Variants in KAT2B observed in about 807,000 individuals in gnomAD.
KAT2B encodes the protein histone acetyltransferase KAT2B.
KAT2B carries 36 observed loss-of-function variants against 105.9 expected under a neutral mutation model. That is an observed-to-expected ratio of 0.34 (90% confidence interval 0.26 to 0.45). KAT2B has a LOEUF of 0.45. KAT2B is among the 20% of genes least tolerant of loss of function. The pLI, the probability that KAT2B is intolerant of heterozygous loss-of-function variation, is 1.00. For missense variants in KAT2B, 820 were observed against 1,021.6 expected, an observed-to-expected ratio of 0.80 and a Z score of 2.69; for synonymous variants, 397 against 377.9, an observed-to-expected ratio of 1.05 and a Z score of -0.59.
chr3:20,128,237 C>T (rs1284543942), intron 11 of KAT2B, among the ~76,000 whole-genome samples: 3 of 152,100 alleles, frequency 2.0e-5, no homozygotes, highest in Non-Finnish European at 2.9e-5. Context: ...TACACATACA[C>T]GCAAACATGT....
intron 10 of KAT2B, 45 bp downstream of exon 10, chr3:20,126,158 T>G (rs1306903918): frequency 6.7e-7 from 1 of 1,485,186 alleles, no homozygotes. Context: ...CCTTTTTAAA[T>G]GAAAGAGGAA....
chr3:20,058,360 C>T (rs192195062), intron 1 of KAT2B, among the ~76,000 whole-genome samples: 1 of 145,298 alleles, frequency 6.9e-6, no homozygotes, highest in African/African-American at 2.6e-5. Flanking sequence ...GAGGCTGAGG[C>T]AGGAGAATTG....
intron 2 of KAT2B, among the ~76,000 whole-genome samples, chr3:20,078,975 C>G (rs1209621923): frequency 1.3e-5 from 2 of 151,288 alleles, no homozygotes; most frequent in African/African-American, 4.9e-5. Context: ...CTTCCGCCTC[C>G]CAGGTTCAAG....
At chr3:20,053,572 A>G (rs1440736840) in intron 1 of KAT2B, among the ~76,000 whole-genome samples, 1 of 152,126 alleles carries the variant, frequency 6.6e-6, no homozygotes, top group Non-Finnish European at 1.5e-5. Flanking sequence ...AGGAAGGTAT[A>G]TGAGTGTTAT....
chr3:20,099,550 G>C (rs1475065758), intron 3 of KAT2B, among the ~76,000 whole-genome samples: 1 of 152,214 alleles, frequency 6.6e-6, no homozygotes, highest in Non-Finnish European at 1.5e-5. Flanking sequence ...GGAAGTGCAT[G>C]GGACGGTGGT....
chr3:20,061,438 TG>T (rs1207668698), intron 1 of KAT2B, among the ~76,000 whole-genome samples: 1 of 152,146 alleles, frequency 6.6e-6, no homozygotes, highest in African/African-American at 2.4e-5. Flanking sequence ...TACTAGGACA[TG>T]GGTGTCCAAA....
chr3:20,112,852 A>G (rs761629718), intron 6 of KAT2B, among the ~76,000 whole-genome samples: 52 of 152,340 alleles, frequency 3.4e-4, no homozygotes, highest in Middle Eastern at 3.4e-3. Flanking sequence ...CTCAGTGAAG[A>G]TAGAGTTTTA....
In KAT2B at chr3:20,148,233, T is replaced by C. The variant is rs775421038; in HGVS notation, c.2157-10T>C. The C allele has an allele frequency of 5.6e-6, 9 of 1,610,936 alleles. No homozygotes were observed. Among genetic ancestry groups the C allele is most frequent in the Non-Finnish European group, 7.6e-6 (9 of 1,177,506 alleles). On this transcript the variant is annotated splice_polypyrimidine_tract_variant and intron_variant, in intron 15 of 17. Coordinates refer to ENST00000263754, the MANE Select transcript of KAT2B (RefSeq NM_003884.5). Reference sequence around the variant, plus strand: ...AATCATTGCTCCTTGTTTCCCTTTTTCCTTTCAAGTAAAGAGCCCAGAGAC... The same window carrying C: ...AATCATTGCTCCTTGTTTCCCTTTTCCCTTTCAAGTAAAGAGCCCAGAGAC...
intron 2 of KAT2B, among the ~76,000 whole-genome samples, chr3:20,090,711 G>T (rs1035843627): frequency 6.6e-6 from 1 of 152,014 alleles, no homozygotes; most frequent in African/African-American, 2.4e-5. Flanking sequence ...CTTGTAAAGT[G>T]AGTTTGGAAG....
At position 20,063,534 on chromosome 3, in the gene KAT2B, C is replaced by CTTT. The variant is rs36058009; in HGVS notation, c.304-8771_304-8769dup. ...CTCACAGCAACTTCTGAGTAGGCCTCTTTTTTTTTTTTTTTTTTTTTTTTT... is the reference window on the plus strand; with the variant it reads ...CTCACAGCAACTTCTGAGTAGGCCTCTTTTTTTTTTTTTTTTTTTTTTTTTTTT... On this transcript the variant is annotated intron_variant, in intron 1 of 17. Transcript: ENST00000263754. Among the ~76,000 whole-genome samples, 154 of 88,816 alleles carry CTTT rather than the reference C, an allele frequency of 1.7e-3. 34 individuals are homozygous for CTTT. The highest frequency in any genetic ancestry group is 2.9e-3 in the Non-Finnish European group (131 of 45,358). 58.3% of individuals were successfully genotyped at this position (88,816 alleles called of 152,430 possible). A position where few individuals can be genotyped will look rare whatever the true frequency, so the allele number is the denominator to read the frequency against.
In KAT2B at chr3:20,105,019, A is replaced by G. The variant is rs565677484; in HGVS notation, c.851+3551A>G. Among the ~76,000 whole-genome samples, 4 of 151,710 alleles carry G rather than the reference A, an allele frequency of 2.6e-5. No individual in the cohort carries two copies. The East Asian group carries it at 7.8e-4, about 30-fold the overall frequency. Reference sequence around the variant, plus strand: ...TCCTGCCTTAGCCTCCCAAGTAGCTAGGATTACAAGTGCGTGCCACCATGC... The same window carrying G: ...TCCTGCCTTAGCCTCCCAAGTAGCTGGGATTACAAGTGCGTGCCACCATGC... On this transcript the variant is annotated intron_variant, in intron 5 of 17. Coordinates refer to ENST00000263754, the MANE Select transcript of KAT2B (RefSeq NM_003884.5).
intron 2 of KAT2B, among the ~76,000 whole-genome samples, chr3:20,092,359 G>A (rs995180013): frequency 7.9e-5 from 12 of 151,646 alleles, no homozygotes; most frequent in African/African-American, 2.9e-4. Flanking sequence ...CTCTCAAGTA[G>A]CTGGGATTAC....
At chr3:20,075,263 CAAAAA>C (rs759607666) in intron 2 of KAT2B, among the ~76,000 whole-genome samples, 2 of 147,564 alleles carry the variant, frequency 1.4e-5, no homozygotes, top group Non-Finnish European at 3.0e-5. Context: ...GACTCTGTCT[CAAAAA>C]AAAAGAAAAA....
chr3:20,098,324 A>T (rs532904863), intron 3 of KAT2B, among the ~76,000 whole-genome samples: 2 of 152,000 alleles, frequency 1.3e-5, no homozygotes, highest in East Asian at 3.9e-4. Flanking sequence ...GTGCTTACAA[A>T]TGTGGCGCTG....
intron 1 of KAT2B, among the ~76,000 whole-genome samples, chr3:20,071,681 C>G (rs1464346434): frequency 6.6e-6 from 1 of 152,182 alleles, no homozygotes; most frequent in Non-Finnish European, 1.5e-5. Flanking sequence ...AGCTTTCTAT[C>G]AAGTGTTGCT....
chr3:20,125,945 C>G lies in KAT2B; in HGVS notation c.1454C>G (p.Ala485Gly), dbSNP rs1699395243. The G allele has an allele frequency of 6.2e-7, 1 of 1,613,822 alleles. No homozygotes were observed. The highest frequency in any genetic ancestry group is 8.5e-7 in the Non-Finnish European group (1 of 1,179,932). ...GCACACTCGGCCAGGGATGAGGCGG[C>G]AAGGTTGGAAGAGCGCAGGGGTGTA... ...LSAHSARDEAARLEERRGVIE... is the reference protein window; with the variant it reads ...LSAHSARDEAGRLEERRGVIE... Residue 485 changes from alanine to glycine, a missense_variant, in exon 10 of 18, where the codon GCA (alanine) becomes GGA (glycine). By Grantham distance (60) the Ala-to-Gly change is moderately conservative. This residue lies in a region of KAT2B where 225 missense variants were observed against 268.1 expected (regional missense o/e 0.84). Transcript: ENST00000263754.
rs1697705095 is a variant in KAT2B at position 20,040,898 on chromosome 3, G to C, written c.303+118G>C. On this transcript the variant is annotated intron_variant, in intron 1 of 17. Coordinates refer to ENST00000263754, the MANE Select transcript of KAT2B (RefSeq NM_003884.5). ...CCTCCTGCCTCTCGCCTCCCGCCTG[G>C]GGCCGCTGCACCGCGGAAGTGCTCT... The C allele has an allele frequency of 8.7e-6, 11 of 1,262,402 alleles. No homozygotes were observed. The Admixed American group carries it at 2.4e-4, about 27-fold the overall frequency. The allele number at this position is 1,262,402 out of a possible 1,614,324, so 78.2% of individuals were successfully genotyped here. A position where few individuals can be genotyped will look rare whatever the true frequency, so the allele number is the denominator to read the frequency against.
At chr3:20,043,144 A>AT (rs1374769088) in intron 1 of KAT2B, among the ~76,000 whole-genome samples, 1 of 152,056 alleles carries the variant, frequency 6.6e-6, no homozygotes, top group Non-Finnish European at 1.5e-5. Flanking sequence ...AGCCCAAGCA[A>AT]TTTGCCCGCC....
intron 17 of KAT2B, among the ~76,000 whole-genome samples, chr3:20,151,051 C>A (rs1439026235): frequency 6.6e-6 from 1 of 152,118 alleles, no homozygotes; most frequent in African/African-American, 2.4e-5. Context: ...ACATTTTGAT[C>A]TGTTCAGTCA....
Sources: allele counts gnomAD v4.1 joint callset (sites outside exome capture counted in the v4.1 genomes callset), GRCh38; gene constraint gnomAD v4.1.1; regional missense constraint gnomAD v4.1.1; transcripts MANE v1.5; gene names NCBI Gene and HGNC (gene_info 2026-07-23, HGNC 2026-07-21).